The following MACROD2 variants were observed in gnomAD, a reference collection of about 807,000 sequenced individuals.
MACROD2 encodes ADP-ribose glycohydrolase MACROD2.
Under a neutral mutation model 70.4 loss-of-function variants are expected in MACROD2, and 36 were observed. The ratio of observed to expected loss-of-function variants is 0.51; its 90% CI spans 0.39 to 0.68. The LOEUF (loss-of-function observed/expected upper bound fraction) is 0.68. Ranked by LOEUF, MACROD2 falls within the 30% of genes least tolerant of loss-of-function variation. The pLI is 0.00. For missense variants in MACROD2, 496 were observed against 538.4 expected (o/e 0.92, Z 0.78); for synonymous variants, 172 against 178.8 (o/e 0.96, Z 0.30).
At chr20:14,848,125 G>A (rs1031416388) in intron 5 of MACROD2, among the ~76,000 whole-genome samples, 1 of 152,192 alleles carries the variant, frequency 6.6e-6, no homozygotes, top group Admixed American at 6.5e-5. Context: ...TCTAACTGGA[G>A]TGAAATTAAA....
At chr20:15,940,710 G>GT (rs1355229009) in intron 12 of MACROD2, among the ~76,000 whole-genome samples, 1 of 152,102 alleles carries the variant, frequency 6.6e-6, no homozygotes, top group Non-Finnish European at 1.5e-5. Context: ...TACATTAACT[G>GT]TTTTTTAAGA....
At chr20:15,808,795 A>G (rs2063792249) in intron 8 of MACROD2, among the ~76,000 whole-genome samples, 1 of 152,212 alleles carries the variant, frequency 6.6e-6, no homozygotes, top group South Asian at 2.1e-4. Flanking sequence ...ATCAATTAGG[A>G]GGCTCATATT....
At chr20:14,121,467 A>G (rs1310533194) in intron 3 of MACROD2, among the ~76,000 whole-genome samples, 1 of 152,192 alleles carries the variant, frequency 6.6e-6, no homozygotes, top group Non-Finnish European at 1.5e-5. Flanking sequence ...TCATGATATT[A>G]AATTGATATT....
chr20:15,422,068 A>G (rs1271778696), intron 6 of MACROD2, among the ~76,000 whole-genome samples: 2 of 152,180 alleles, frequency 1.3e-5, no homozygotes, highest in African/African-American at 2.4e-5. Context: ...TTGAAGAACA[A>G]AAGGAGACCA....
At chr20:15,439,633 G>A (rs1352343871) in intron 7 of MACROD2, among the ~76,000 whole-genome samples, 4 of 152,138 alleles carry the variant, frequency 2.6e-5, no homozygotes, top group African/African-American at 7.2e-5. Context: ...TATCCTCCAT[G>A]TGATTAACCT....
chr20:14,306,815 GCC>G (rs572378557), intron 3 of MACROD2, among the ~76,000 whole-genome samples: 57 of 152,140 alleles, frequency 3.7e-4, no homozygotes, highest in African/African-American at 1.3e-3. Flanking sequence ...TGTATATGAG[GCC>G]ATTAAATTAC....
intron 8 of MACROD2, among the ~76,000 whole-genome samples, chr20:15,775,487 G>T (rs200000719): frequency 6.6e-6 from 1 of 152,058 alleles, no homozygotes; most frequent in Non-Finnish European, 1.5e-5. Context: ...AGCAAGGGAG[G>T]GGGTATAACA....
chr20:15,917,603 G>A (rs528221937), intron 10 of MACROD2, among the ~76,000 whole-genome samples: 2 of 152,216 alleles, frequency 1.3e-5, no homozygotes, highest in African/African-American at 4.8e-5. Flanking sequence ...CTGTTTTCTA[G>A]AACGTCAGCA....
chr20:14,584,560 A>G (rs1041121882), intron 4 of MACROD2, among the ~76,000 whole-genome samples: 1 of 152,100 alleles, frequency 6.6e-6, no homozygotes, highest in African/African-American at 2.4e-5. Flanking sequence ...TCTTATAAAG[A>G]CATTTCATCA....
intron 4 of MACROD2, among the ~76,000 whole-genome samples, chr20:14,670,601 A>G (rs1289904895): frequency 6.6e-6 from 1 of 152,230 alleles, no homozygotes; most frequent in Non-Finnish European, 1.5e-5. Flanking sequence ...TATGTCTCAG[A>G]TAAATGAGAT....
intron 4 of MACROD2, among the ~76,000 whole-genome samples, chr20:14,643,569 G>T (rs1985209377): frequency 6.6e-6 from 1 of 152,148 alleles, no homozygotes; most frequent in South Asian, 2.1e-4. Context: ...TATAAATAGA[G>T]ATGTTAAAGT....
intron 3 of MACROD2, among the ~76,000 whole-genome samples, chr20:14,211,340 G>GT (rs545283016): frequency 1.1e-3 from 169 of 149,056 alleles, no homozygotes; most frequent in Non-Finnish European, 1.7e-3. Context: ...AAAATCAAAA[G>GT]TTTTTTTTTT....
chr20:14,547,342 A>T (rs1449766088), intron 4 of MACROD2: 1 of 235,650 alleles, frequency 4.2e-6, no homozygotes, highest in African/African-American at 2.3e-5. Context: ...AAAGTCCATC[A>T]TACAGATCAC....
intron 4 of MACROD2, among the ~76,000 whole-genome samples, chr20:14,581,380 C>T (rs1981008765): frequency 6.6e-6 from 1 of 152,132 alleles, no homozygotes; most frequent in African/African-American, 2.4e-5. Context: ...CTGATTCCAG[C>T]GTGGAGCGAA....
chr20:15,618,229 C>T (rs1168302737), intron 8 of MACROD2, among the ~76,000 whole-genome samples: 6 of 148,796 alleles, frequency 4.0e-5, no homozygotes, highest in East Asian at 2.0e-4. Flanking sequence ...AAATCTATTT[C>T]GAGGACAGTA....
chr20:14,205,631 C>T (rs1034309636), intron 3 of MACROD2, among the ~76,000 whole-genome samples: 1 of 152,168 alleles, frequency 6.6e-6, no homozygotes, highest in Non-Finnish European at 1.5e-5. Context: ...CATATTTAGG[C>T]AAGCCTCCTG....
chr20:14,331,589 G>T (rs551929117), intron 3 of MACROD2, among the ~76,000 whole-genome samples: 1 of 152,068 alleles, frequency 6.6e-6, no homozygotes, highest in East Asian at 1.9e-4. Flanking sequence ...TGAAGATTAC[G>T]TTCAGAGCTA....
chr20:15,601,264 C>T (rs532986254), intron 8 of MACROD2, among the ~76,000 whole-genome samples: 58 of 152,218 alleles, frequency 3.8e-4, no homozygotes, highest in African/African-American at 1.2e-3. Flanking sequence ...CATCTTTTCA[C>T]GCCTCTCAGG....
rs944438610 is a variant in MACROD2 at position 14,625,910 on chromosome 20, A to G, written c.302-58933A>G. On this transcript the variant is annotated intron_variant, in intron 4 of 17. Transcript: ENST00000684519. ...CAATCTCAGCTCATTGCAACCTCCA[A>G]CTCTTGGGTTCAAGCGGTTCTCCTG... Among the ~76,000 whole-genome samples, 5 of 151,972 alleles carry G rather than the reference A, an allele frequency of 3.3e-5. No individual in the cohort carries two copies. The South Asian group carries it at 8.3e-4, about 25-fold the overall frequency.
Sources: allele counts gnomAD v4.1 joint callset (sites outside exome capture counted in the v4.1 genomes callset), GRCh38; gene constraint gnomAD v4.1.1; transcripts MANE v1.5; gene names NCBI Gene and HGNC (gene_info 2026-07-23, HGNC 2026-07-21).